FAT1: variants seen among roughly 807,000 people sequenced by gnomAD.
FAT1 encodes the protein protocadherin Fat 1.
Under a neutral mutation model 329.8 loss-of-function variants are expected in FAT1, and 171 were observed. The ratio of observed to expected loss-of-function variants is 0.52; its 90% CI spans 0.46 to 0.59. FAT1 has a LOEUF of 0.59. FAT1 is among the 20% of genes least tolerant of loss of function. The probability of loss-of-function intolerance (pLI) is 0.00; values close to 1 mark genes in which losing one functional copy is unlikely to be tolerated. For missense variants in FAT1, 5,672 were observed against 5,774.4 expected (o/e 0.98, Z 0.57); for synonymous variants, 2,233 against 2,228.6 (o/e 1.00, Z -0.06).
chr4:186,664,898 C>G (rs1414461999), intron 2 of FAT1, among the ~76,000 whole-genome samples: 1 of 152,188 alleles, frequency 6.6e-6, no homozygotes, highest in South Asian at 2.1e-4. Context: ...ACCAATTTTA[C>G]CTATGCTCAG....
intron 2 of FAT1, among the ~76,000 whole-genome samples, chr4:186,669,243 G>A (rs1375663963): frequency 2.0e-5 from 3 of 152,288 alleles, no homozygotes; most frequent in Middle Eastern, 3.4e-3. Flanking sequence ...CAGGCCTTCC[G>A]CAGGATTCCC....
rs754497346 is a variant in FAT1, at chr4:186,707,860, T to C, written c.1968A>G (p.Pro656=). The C allele has an allele frequency of 1.1e-5, 18 of 1,613,802 alleles. 1 individual carries two copies. The highest frequency in any genetic ancestry group is 5.0e-5 in the Admixed American group (3 of 60,004). ...TATDGENFAT[P]LYINITVAAS... ...CAGCCACTGTTATGTTGATATATAA[T>C]GGTGTGGCAAAATTTTCTCCATCTG... Residue 656 remains proline, a synonymous_variant, in exon 2 of 27, where the codon CCA becomes CCG. Coordinates refer to ENST00000441802, the MANE Select transcript of FAT1 (RefSeq NM_005245.4).
chr4:186,628,460 G>A, intron 8 of FAT1, 28 bp downstream of exon 8: 2 of 1,613,216 alleles, frequency 1.2e-6, no homozygotes, highest in Non-Finnish European at 1.7e-6. Flanking sequence ...GGACCAAATG[G>A]TGGGAGGAGA....
chr4:186,663,501 GT>G lies in FAT1; in HGVS notation c.3377del (p.Tyr1126SerfsTer2). 6.2e-7 allele frequency: 1 copy of G among 1,613,956 alleles called. No individual in the cohort carries two copies. The highest frequency in any genetic ancestry group is 8.5e-7 in the Non-Finnish European group (1 of 1,179,898). On this transcript the variant is annotated frameshift_variant, in exon 3 of 27. Transcript: ENST00000441802. LOFTEE classifies it high-confidence loss of function. Reference protein sequence around the residue: ...VVPLSSFIEIYIEVEDVNDNA... With the variant: ...VVPLSSFIEIXIEVEDVNDNA... ...TGTCATTGACATCCTCAACCTCTAT[GT>G]AGATCTCTATGAACGATGAAAGAGG... is the stretch of plus-strand genomic sequence containing the variant.
intron 2 of FAT1, among the ~76,000 whole-genome samples, chr4:186,687,231 T>A (rs1442863266): frequency 3.3e-5 from 5 of 152,170 alleles, no homozygotes; most frequent in African/African-American, 1.2e-4. Flanking sequence ...CAACCACTGT[T>A]TCAATTATGA....
intron 22 of FAT1, 107 bp from the exon 23 acceptor site, chr4:186,598,232 G>T: frequency 1.8e-6 from 2 of 1,120,660 alleles, no homozygotes; most frequent in South Asian, 2.1e-5. Context: ...GTAAAAGCTC[G>T]TAAAATTCTC....
At chr4:186,705,239 C>T (rs1433605063) in intron 2 of FAT1, among the ~76,000 whole-genome samples, 1 of 152,038 alleles carries the variant, frequency 6.6e-6, no homozygotes, top group Non-Finnish European at 1.5e-5. Flanking sequence ...CCATCGCACC[C>T]AGCCCAAAAT....
In FAT1 at chr4:186,621,134, T is replaced by C. The variant is rs1472755247; in HGVS notation, c.5452A>G (p.Thr1818Ala). 3.1e-6 allele frequency: 5 copies of C among 1,613,902 alleles called. No homozygotes were observed. The highest frequency in any genetic ancestry group is 3.4e-6 in the Non-Finnish European group (4 of 1,179,892). ...VYHIVEPSVH[T>A]YFAIDSSTGA... ...GTGCTAGAATCAATAGCAAAATATG[T>C]GTGTACAGATGGTTCAACAATGTGA... Residue 1818 changes from threonine (T) to alanine (A), a missense_variant, in exon 10 of 27, where the codon ACA (threonine) becomes GCA (alanine). Coordinates refer to ENST00000441802, the MANE Select transcript of FAT1 (RefSeq NM_005245.4).
chr4:186,639,887 A>G, intron 3 of FAT1, 104 bp from the exon 4 acceptor site: 1 of 954,280 alleles, frequency 1.0e-6, no homozygotes. Context: ...TCATGCCTTA[A>G]TCCCAGCACT....
intron 2 of FAT1, among the ~76,000 whole-genome samples, chr4:186,689,127 T>C (rs915785715): frequency 5.3e-5 from 8 of 152,250 alleles, no homozygotes; most frequent in African/African-American, 1.9e-4. Flanking sequence ...AGTTAATGAA[T>C]AAAGATTTCA....
chr4:186,609,665 G>T (rs1739307576), intron 15 of FAT1, 136 bp downstream of exon 15: 1 of 652,644 alleles, frequency 1.5e-6, no homozygotes, highest in Non-Finnish European at 2.7e-6. Flanking sequence ...GCAATCAGTT[G>T]GCCTAACAAA....
chr4:186,616,076 C>T (rs1049574675), intron 11 of FAT1, among the ~76,000 whole-genome samples: 14 of 152,022 alleles, frequency 9.2e-5, no homozygotes, highest in Admixed American at 2.6e-4. Context: ...TGGTCTTCCT[C>T]GGTGGTGGCT....
intron 2 of FAT1, among the ~76,000 whole-genome samples, chr4:186,688,831 G>A (rs1743611790): frequency 6.6e-6 from 1 of 152,136 alleles, no homozygotes; most frequent in South Asian, 2.1e-4. Flanking sequence ...CAATGTGGCA[G>A]GGTAGGTTTT....
intron 1 of FAT1, among the ~76,000 whole-genome samples, chr4:186,719,020 A>G (rs1000308917): frequency 1.1e-4 from 16 of 152,206 alleles, no homozygotes; most frequent in Admixed American, 1.0e-3. Flanking sequence ...ACAAAGAGGC[A>G]ATCCACAGGT....
At chr4:186,691,433 A>G (rs1316024349) in intron 2 of FAT1, among the ~76,000 whole-genome samples, 2 of 152,200 alleles carry the variant, frequency 1.3e-5, no homozygotes, top group African/African-American at 2.4e-5. Flanking sequence ...GGTTTCTAAC[A>G]AAGTTTGTCA....
chr4:186,721,087 C>T (rs1745451624), intron 1 of FAT1, among the ~76,000 whole-genome samples: 1 of 152,178 alleles, frequency 6.6e-6, no homozygotes, highest in Non-Finnish European at 1.5e-5. Context: ...CCTTAATATT[C>T]TATGAAGGAT....
At chr4:186,641,783 G>C (rs998600333) in intron 3 of FAT1, among the ~76,000 whole-genome samples, 26 of 152,066 alleles carry the variant, frequency 1.7e-4, no homozygotes, top group Non-Finnish European at 2.9e-4. Context: ...GAGGCAGGCG[G>C]ATCACCTGAG....
chr4:186,590,793 C>G (rs1458181643), intron 26 of FAT1: 2 of 397,168 alleles, frequency 5.0e-6, no homozygotes, highest in South Asian at 3.8e-5. Flanking sequence ...AATCCAAATA[C>G]ATCTACAGCT....
chr4:186,589,341 C>T (rs1738130098), intron 26 of FAT1, 121 bp from the exon 27 acceptor site: 2 of 1,120,978 alleles, frequency 1.8e-6, no homozygotes, highest in African/African-American at 3.1e-5. Context: ...ATTCAAAGTT[C>T]ACCACTGGAA....
Sources: gnomAD v4.1 joint callset for allele counts (sites outside exome capture counted in the v4.1 genomes callset) on GRCh38, gnomAD v4.1.1 for gene constraint, MANE v1.5 for transcripts, NCBI Gene and HGNC (gene_info 2026-07-23, HGNC 2026-07-21) for gene names.